Variants in ARL15 observed in about 807,000 individuals in gnomAD.
The protein encoded by ARL15 is ADP-ribosylation factor-like protein 15.
In ARL15, 19 loss-of-function variants were observed where a neutral mutation model predicts 25.2. That is an observed-to-expected ratio of 0.75 (90% CI 0.53 to 1.10). The LOEUF (loss-of-function observed/expected upper bound fraction) is 1.10, where lower values mean the gene tolerates loss of function less well. Ranked by LOEUF, ARL15 falls within the 50% of genes least tolerant of loss-of-function variation. The pLI is 0.00. For missense variants in ARL15, 220 were observed against 246.0 expected (o/e 0.89, Z 0.71); for synonymous variants, 94 against 86.8 (o/e 1.08, Z -0.46).
At chr5:54,144,883 G>T (rs1448394093) in intron 3 of ARL15, among the ~76,000 whole-genome samples, 1 of 152,142 alleles carries the variant, frequency 6.6e-6, no homozygotes, top group South Asian at 2.1e-4. Flanking sequence ...AAGGAGAAAA[G>T]AAAAATAAAG....
chr5:54,228,701 C>G (rs757073252), intron 1 of ARL15, among the ~76,000 whole-genome samples: 6 of 152,104 alleles, frequency 3.9e-5, no homozygotes, highest in African/African-American at 7.2e-5. Flanking sequence ...TAAAACACAA[C>G]CTTCACTTTC....
chr5:54,096,761 G>A (rs1752301123), intron 4 of ARL15, among the ~76,000 whole-genome samples: 1 of 152,028 alleles, frequency 6.6e-6, no homozygotes. Context: ...CTAAACCAAG[G>A]TATTTCTCAT....
intron 1 of ARL15, among the ~76,000 whole-genome samples, chr5:54,292,868 T>C (rs538697221): frequency 1.2e-4 from 18 of 152,334 alleles, no homozygotes; most frequent in Admixed American, 8.5e-4. Flanking sequence ...GGTAGACTAC[T>C]GCCCAGGTCT....
intron 4 of ARL15, among the ~76,000 whole-genome samples, chr5:54,038,404 T>C (rs754686039): frequency 3.9e-5 from 6 of 151,974 alleles, no homozygotes; most frequent in Non-Finnish European, 8.8e-5. Flanking sequence ...TGAACTTAAG[T>C]TTACTTAATT....
intron 4 of ARL15, among the ~76,000 whole-genome samples, chr5:53,930,615 T>C (rs188870817): frequency 4.6e-5 from 7 of 152,204 alleles, no homozygotes; most frequent in African/African-American, 9.6e-5. Flanking sequence ...GAACACACTC[T>C]AGGTTGCTCA....
At chr5:54,109,104 C>T (rs1395453899) in intron 4 of ARL15, among the ~76,000 whole-genome samples, 1 of 151,902 alleles carries the variant, frequency 6.6e-6, no homozygotes, top group East Asian at 1.9e-4. Context: ...ATTAAAATTG[C>T]ATAAAAATTG....
At chr5:54,190,880 C>T (rs1181756823) in intron 1 of ARL15, among the ~76,000 whole-genome samples, 1 of 152,106 alleles carries the variant, frequency 6.6e-6, no homozygotes. Context: ...GATATAGCCA[C>T]TGTGAAAAAC....
chr5:53,916,951 A>ATG (rs1288326189), intron 4 of ARL15, among the ~76,000 whole-genome samples: 3 of 152,234 alleles, frequency 2.0e-5, no homozygotes, highest in African/African-American at 7.2e-5. Flanking sequence ...TCATATATAT[A>ATG]TGAAGGAAAT....
chr5:54,232,823 CT>C (rs1756708505), intron 1 of ARL15, among the ~76,000 whole-genome samples: 1 of 152,196 alleles, frequency 6.6e-6, no homozygotes, highest in African/African-American at 2.4e-5. Context: ...ATGTTCACCC[CT>C]GCCCTCATAC....
chr5:53,886,292 G>C lies in ARL15; in HGVS notation c.*269C>G, dbSNP rs1403020716. 4.6e-5 allele frequency: 16 copies of C among 347,652 alleles called. No homozygotes were observed. Among genetic ancestry groups the C allele is most frequent in the Non-Finnish European group, 7.9e-5 (15 of 190,262 alleles). The allele number at this position is 347,652 out of a possible 1,614,324, so 21.5% of individuals were successfully genotyped here. On this transcript the variant is annotated 3_prime_UTR_variant, in exon 5 of 5. Coordinates refer to ENST00000504924, the MANE Select transcript of ARL15 (RefSeq NM_019087.3). ...GCACAGAGTATAGAAGAGATGCTTAGAACAACAGAAGGAAGAGACATGCGG... is the reference window on the plus strand; with the variant it reads ...GCACAGAGTATAGAAGAGATGCTTACAACAACAGAAGGAAGAGACATGCGG...
chr5:54,052,045 A>G (rs935502221), intron 4 of ARL15, among the ~76,000 whole-genome samples: 2 of 152,230 alleles, frequency 1.3e-5, no homozygotes, highest in African/African-American at 4.8e-5. Context: ...AAAAAGCTAT[A>G]TAAGGTATGA....
chr5:54,001,732 A>G (rs540441197), intron 4 of ARL15, among the ~76,000 whole-genome samples: 8 of 152,220 alleles, frequency 5.3e-5, no homozygotes, highest in Non-Finnish European at 1.2e-4. Flanking sequence ...ATGCTGCTTC[A>G]TGCAATGCTT....
chr5:54,241,983 A>T (rs1262307962), intron 1 of ARL15, among the ~76,000 whole-genome samples: 1 of 152,210 alleles, frequency 6.6e-6, no homozygotes, highest in African/African-American at 2.4e-5. Flanking sequence ...ATAGCCTGAG[A>T]CACATACAAA....
intron 4 of ARL15, among the ~76,000 whole-genome samples, chr5:53,939,590 C>T (rs1050088595): frequency 2.0e-5 from 3 of 151,974 alleles, no homozygotes; most frequent in Admixed American, 6.6e-5. Flanking sequence ...AAAAAATTAG[C>T]TAGGCGTGGT....
chr5:54,075,279 A>T (rs1392653099), intron 4 of ARL15, among the ~76,000 whole-genome samples: 1 of 152,116 alleles, frequency 6.6e-6, no homozygotes, highest in Non-Finnish European at 1.5e-5. Context: ...TAGACAAACA[A>T]GGTAGGCTTG....
At chr5:54,108,446 T>G (rs976216369) in intron 4 of ARL15, among the ~76,000 whole-genome samples, 1 of 152,170 alleles carries the variant, frequency 6.6e-6, no homozygotes, top group Admixed American at 6.6e-5. Flanking sequence ...TCAAGATACT[T>G]GGAAAACTCT....
chr5:53,976,204 G>A (rs889462221), intron 4 of ARL15, among the ~76,000 whole-genome samples: 5 of 152,156 alleles, frequency 3.3e-5, no homozygotes, highest in African/African-American at 1.2e-4. Context: ...AGGGGTGATA[G>A]GCAACCACAC....
At chr5:54,172,072 G>C (rs913370919) in intron 1 of ARL15, 144 bp from the exon 2 acceptor site, 1 of 969,050 alleles carries the variant, frequency 1.0e-6, no homozygotes, top group Non-Finnish European at 1.4e-6. Flanking sequence ...CTTTAGAACA[G>C]TGAAACCTGG....
chr5:54,262,544 A>T (rs9292045), intron 1 of ARL15, among the ~76,000 whole-genome samples: 6,858 of 152,120 alleles, frequency 0.045, 370 homozygotes, highest in African/African-American at 0.13. Context: ...GTTAATAACT[A>T]TATTTCTACT....
Sources: gnomAD v4.1 joint callset for allele counts (sites outside exome capture counted in the v4.1 genomes callset) on GRCh38, gnomAD v4.1.1 for gene constraint, MANE v1.5 for transcripts, NCBI Gene and HGNC (gene_info 2026-07-23, HGNC 2026-07-21) for gene names.